The following RBFOX1 variants were observed in gnomAD, a reference collection of about 807,000 sequenced individuals.
The protein encoded by RBFOX1 is RNA binding fox-1 homolog 1.
In RBFOX1, 8 loss-of-function variants were observed where a neutral mutation model predicts 57.7. The ratio of observed to expected loss-of-function variants is 0.14; its 90% CI spans 0.08 to 0.25. The LOEUF is 0.25. RBFOX1 is among the 10% of genes least tolerant of loss of function. The pLI, the probability that RBFOX1 is intolerant of heterozygous loss-of-function variation, is 1.00. For synonymous variants in RBFOX1, 326 were observed against 222.4 expected (o/e 1.47, Z -4.15); for missense variants, 611 against 548.5 (o/e 1.11, Z -1.14).
chr16:7,471,986 A>G (rs186408679), intron 4 of RBFOX1, among the ~76,000 whole-genome samples: 20 of 152,350 alleles, frequency 1.3e-4, no homozygotes, highest in Admixed American at 3.3e-4. Context: ...GATCTTTCAC[A>G]GAGTACAAAT....
At chr16:6,096,316 C>T (rs1021846188) in intron 1 of RBFOX1, among the ~76,000 whole-genome samples, 73 of 152,182 alleles carry the variant, frequency 4.8e-4, no homozygotes, top group African/African-American at 1.7e-3. Flanking sequence ...ATAAATAAGT[C>T]CTTCAGGAAA....
intron 2 of RBFOX1, among the ~76,000 whole-genome samples, chr16:6,555,674 T>A (rs1404250434): frequency 6.6e-6 from 1 of 151,888 alleles, no homozygotes; most frequent in Non-Finnish European, 1.5e-5. Context: ...CACTCCAGCC[T>A]GGGCGACAGA....
intron 4 of RBFOX1, among the ~76,000 whole-genome samples, chr16:7,064,189 G>C (rs1479654373): frequency 1.7e-5 from 2 of 116,120 alleles, no homozygotes; most frequent in Non-Finnish European, 3.5e-5. Flanking sequence ...TTTTTTCTGA[G>C]GTGGAGTCTC....
At chr16:7,082,582 TA>T (rs930613674) in intron 4 of RBFOX1, among the ~76,000 whole-genome samples, 13 of 151,814 alleles carry the variant, frequency 8.6e-5, no homozygotes, top group African/African-American at 2.9e-4. Flanking sequence ...AAATAAAAAT[TA>T]AAAAAAGAAG....
chr16:5,241,349 C>T (rs558798036), intron 1 of RBFOX1, among the ~76,000 whole-genome samples: 25 of 150,506 alleles, frequency 1.7e-4, no homozygotes, highest in Admixed American at 6.6e-4. Context: ...GGGCCGATCA[C>T]GGAAAGGATG....
intron 3 of RBFOX1, among the ~76,000 whole-genome samples, chr16:5,785,963 T>A (rs1243107852): frequency 6.6e-6 from 1 of 152,208 alleles, no homozygotes; most frequent in Non-Finnish European, 1.5e-5. Context: ...CCTACCTTCA[T>A]GCTCACCTCC....
In RBFOX1 at chr16:5,370,555, T is replaced by G. The variant is rs539487996; in HGVS notation, c.220-96661T>G. 3.9e-5 allele frequency among the ~76,000 whole-genome samples: 6 copies of G among 152,046 alleles called. No homozygotes were observed. The East Asian group carries it at 9.7e-4, about 24-fold the overall frequency. ...TCACCCAGGATGGAATGCAGCAGTG[T>G]AATCTCAGCTCAGCGTAGCCTCTAA... is the stretch of plus-strand genomic sequence containing the variant. On this transcript the variant is annotated intron_variant, in intron 1 of 2. Transcript: ENST00000585867.
chr16:5,660,776 G>A (rs1478777365), intron 3 of RBFOX1, among the ~76,000 whole-genome samples: 1 of 152,116 alleles, frequency 6.6e-6, no homozygotes, highest in Non-Finnish European at 1.5e-5. Flanking sequence ...ATGCCGGAGA[G>A]GTGAGCTGAA....
chr16:6,318,538 G>C (rs756881774), intron 2 of RBFOX1, among the ~76,000 whole-genome samples: 1 of 152,140 alleles, frequency 6.6e-6, no homozygotes, highest in Non-Finnish European at 1.5e-5. Context: ...TGGGTTTTCA[G>C]ATCATACATG....
intron 3 of RBFOX1, among the ~76,000 whole-genome samples, chr16:5,614,268 G>A (rs969994778): frequency 2.6e-5 from 4 of 152,092 alleles, no homozygotes; most frequent in Admixed American, 6.6e-5. Context: ...ATTTGCACAT[G>A]GACTAAACAG....
At chr16:6,494,788 G>A (rs1259404545) in intron 2 of RBFOX1, among the ~76,000 whole-genome samples, 1 of 152,114 alleles carries the variant, frequency 6.6e-6, no homozygotes, top group Non-Finnish European at 1.5e-5. Context: ...CGTACAAACT[G>A]ATACAAGGAA....
At chr16:6,669,675 A>G (rs1185091602) in intron 3 of RBFOX1, among the ~76,000 whole-genome samples, 1 of 152,120 alleles carries the variant, frequency 6.6e-6, no homozygotes, top group East Asian at 1.9e-4. Flanking sequence ...TGTGGTGAGA[A>G]CACTTAAGAT....
intron 3 of RBFOX1, among the ~76,000 whole-genome samples, chr16:6,829,850 C>T (rs111812675): frequency 0.028 from 4,196 of 152,216 alleles, 191 homozygotes; most frequent in African/African-American, 0.096. Flanking sequence ...GATCTGCCTG[C>T]CTTGGCCTCC....
At chr16:7,087,669 A>G (rs1392520393) in intron 4 of RBFOX1, among the ~76,000 whole-genome samples, 1 of 152,150 alleles carries the variant, frequency 6.6e-6, no homozygotes, top group Non-Finnish European at 1.5e-5. Context: ...TGTTATCCTC[A>G]TAAACTCATA....
At chr16:7,416,097 A>T (rs569591911) in intron 4 of RBFOX1, among the ~76,000 whole-genome samples, 1 of 152,132 alleles carries the variant, frequency 6.6e-6, no homozygotes, top group Non-Finnish European at 1.5e-5. Flanking sequence ...CAGCCCCCCA[A>T]TCTGAAACGA....
chr16:5,595,020 C>T (rs1318076358), intron 2 of RBFOX1, among the ~76,000 whole-genome samples: 1 of 150,530 alleles, frequency 6.6e-6, no homozygotes, highest in Non-Finnish European at 1.5e-5. Flanking sequence ...GTGGTGGGCA[C>T]CTCCAATCCC....
At chr16:5,422,712 AAG>A (rs1485343813) in intron 1 of RBFOX1, among the ~76,000 whole-genome samples, 1 of 104,524 alleles carries the variant, frequency 9.6e-6, no homozygotes, top group African/African-American at 3.7e-5. Flanking sequence ...AGGAAAGAGA[AAG>A]AGGAGGAGGG....
At chr16:6,116,854 G>A (rs1011167010) in intron 1 of RBFOX1, among the ~76,000 whole-genome samples, 2 of 151,934 alleles carry the variant, frequency 1.3e-5, no homozygotes, top group African/African-American at 4.8e-5. Context: ...GGGAGAGAGA[G>A]GCTGGTGGCT....
intron 4 of RBFOX1, among the ~76,000 whole-genome samples, chr16:5,939,676 C>T (rs920959629): frequency 1.3e-5 from 2 of 152,024 alleles, no homozygotes; most frequent in Admixed American, 6.5e-5. Context: ...AGCCTTGACT[C>T]AAGGGAGGTG....
Sources: allele counts gnomAD v4.1 joint callset (sites outside exome capture counted in the v4.1 genomes callset), GRCh38; gene constraint gnomAD v4.1.1; transcripts MANE v1.5; gene names NCBI Gene and HGNC (gene_info 2026-07-23, HGNC 2026-07-21).